The following ARID3A variants were observed in gnomAD, a reference collection of about 807,000 sequenced individuals.
ARID3A encodes the protein AT-rich interaction domain 3A, also known as AT-rich interactive domain-containing protein 3A.
In ARID3A, 11 loss-of-function variants were observed where a neutral mutation model predicts 52.7. That is an observed-to-expected ratio of 0.21 (90% CI 0.13 to 0.35). The LOEUF is 0.35. ARID3A is among the 10% of genes least tolerant of loss of function. The probability of loss-of-function intolerance (pLI) is 1.00; values close to 1 mark genes in which losing one functional copy is unlikely to be tolerated. For synonymous variants in ARID3A, 404 were observed against 359.4 expected (o/e 1.12, Z -1.40); for missense variants, 721 against 838.5 (o/e 0.86, Z 1.73).
At chr19:970,783 A>C (rs1241432316) in intron 8 of ARID3A, among the ~76,000 whole-genome samples, 1 of 151,906 alleles carries the variant, frequency 6.6e-6, no homozygotes, top group East Asian at 1.9e-4. Context: ...GTAAATGAAT[A>C]GTTTTTCTTA....
At chr19:969,476 G>A (rs962615632) in intron 8 of ARID3A, among the ~76,000 whole-genome samples, 7 of 151,640 alleles carry the variant, frequency 4.6e-5, no homozygotes. Context: ...GGTGGAGGTT[G>A]CAGTGAGTCA....
In ARID3A at chr19:968,399, C is replaced by T. The variant is rs531155955; in HGVS notation, c.1496-6C>T. ...AAAAGAAACTAATTTGTTCTTCTTCCCACAGCCTCCGAAAGCCGCCAGGAC... is the reference window on the plus strand; with the variant it reads ...AAAAGAAACTAATTTGTTCTTCTTCTCACAGCCTCCGAAAGCCGCCAGGAC... On this transcript the variant is annotated splice_polypyrimidine_tract_variant and splice_region_variant and intron_variant, in intron 7 of 8. Coordinates refer to ENST00000263620, the MANE Select transcript of ARID3A (RefSeq NM_005224.3). 4.4e-6 allele frequency: 7 copies of T among 1,608,644 alleles called. No homozygotes were observed. In the African/African-American group the frequency reaches 5.4e-5, roughly 12 times the overall value.
rs1266677925 is a variant in ARID3A at position 973,494 on chromosome 19, A to C, written c.*1429A>C. On this transcript the variant is annotated 3_prime_UTR_variant, in exon 9 of 9. Transcript: ENST00000263620. ...GGGGGTGGTTCTTGTCGAAGCCCCC[A>C]GGCTCCTGTCTCAGGGATGAATGTG... 15 of 217,228 alleles carry C rather than the reference A, an allele frequency of 6.9e-5. No homozygotes were observed. The highest frequency in any genetic ancestry group is 3.1e-4 in the African/African-American group (14 of 44,476). The allele number at this position is 217,228 out of a possible 1,614,324, so 13.5% of individuals were successfully genotyped here.
At chr19:939,670 C>A (rs965577772) in intron 3 of ARID3A, among the ~76,000 whole-genome samples, 1 of 152,080 alleles carries the variant, frequency 6.6e-6, no homozygotes, top group African/African-American at 2.4e-5. Context: ...TGGGTGCGTT[C>A]GCGTCGTAAT....
chr19:955,533 C>T (rs924349204), intron 3 of ARID3A, among the ~76,000 whole-genome samples: 3 of 152,212 alleles, frequency 2.0e-5, no homozygotes, highest in Admixed American at 1.3e-4. Flanking sequence ...GCTGGCTGTA[C>T]ATGGGGCAGC....
rs1287433753 is a variant in ARID3A, at chr19:938,119, C to G, written c.693+5377C>G. Among the ~76,000 whole-genome samples, 1 of 152,122 alleles carries G rather than the reference C, an allele frequency of 6.6e-6. No homozygotes were observed. The highest frequency in any genetic ancestry group is 6.5e-5 in the Admixed American group (1 of 15,268). ...TCAGCGTCCCAGAGTGCTGGGATCA[C>G]AGACGTGAGCCACCGCGCCCGGCCT... On this transcript the variant is annotated intron_variant, in intron 3 of 8. Coordinates refer to ENST00000263620, the MANE Select transcript of ARID3A (RefSeq NM_005224.3). The surrounding 1 kb of genome is among the most constrained non-coding windows in gnomAD (Gnocchi z 4.0).
rs2037477187 is a variant in ARID3A, at chr19:938,284, AGAGG to A, written c.693+5543_693+5546del. 6.6e-6 allele frequency among the ~76,000 whole-genome samples: 1 copy of A among 152,192 alleles called. No individual in the cohort carries two copies. Among genetic ancestry groups the A allele is most frequent in the African/African-American group, 2.4e-5 (1 of 41,440 alleles). ...GCCCATGTAACTTGCAGATGAGCTC[AGAGG>A]TGTAGGAATGACGGCACTAGCCGGT... On this transcript the variant is annotated intron_variant, in intron 3 of 8. Transcript: ENST00000263620. This position sits in a 1 kb window ranked among gnomAD's most constrained non-coding sequence, Gnocchi z 4.0.
Position 973,103 on chromosome 19 carries a change from A to ATTCTTTTTTTTT in ARID3A, c.*1038_*1039insTTCTTTTTTTTT, listed in dbSNP as rs1568378193. On this transcript the variant is annotated 3_prime_UTR_variant, in exon 9 of 9. Coordinates refer to ENST00000263620, the MANE Select transcript of ARID3A (RefSeq NM_005224.3). ...TGGGCTCTCGAGTCAGGGGCCTGGA[A>ATTCTTTTTTTTT]ATTTTTTTTTTTTTTTTTTTTTGAG... 7.1e-5 allele frequency: 1 copy of ATTCTTTTTTTTT among 13,990 alleles called. No homozygotes were observed. The highest frequency in any genetic ancestry group is 1.7e-4 in the African/African-American group (1 of 5,850). 0.9% of individuals were successfully genotyped at this position (13,990 alleles called of 1,614,324 possible).
At position 932,484 on chromosome 19, in the gene ARID3A, G is replaced by A. The variant is rs758977281; in HGVS notation, c.435G>A (p.Glu145=). ...DLGEDEEEEE[E]DYEDEEEEED... is the part of the protein sequence containing the mutation. ...GGGAGGATGAGGAGGAGGAGGAGGA[G>A]GATTACGAGGATGAGGAGGAGGAGG... The change falls in exon 3 of 9, where the codon GAG becomes GAA. Residue 145 remains glutamate, a synonymous_variant. Transcript: ENST00000263620. 3.2e-6 allele frequency: 5 copies of A among 1,565,748 alleles called. No homozygotes were observed. The East Asian group carries it at 6.9e-5, about 22-fold the overall frequency.
chr19:930,662 A>C (rs1234125679), intron 2 of ARID3A, among the ~76,000 whole-genome samples: 1 of 149,036 alleles, frequency 6.7e-6, no homozygotes, highest in Admixed American at 6.7e-5. Flanking sequence ...GGCGCCCGCC[A>C]CCACGCCTGG....
chr19:936,111 C>T (rs1390084433), intron 3 of ARID3A, among the ~76,000 whole-genome samples: 6 of 152,234 alleles, frequency 3.9e-5, no homozygotes, highest in Admixed American at 6.5e-5. Flanking sequence ...TTTACACGCA[C>T]AGGCGGTTAA....
chr19:931,629 G>A (rs149587775), intron 2 of ARID3A, among the ~76,000 whole-genome samples: 1,628 of 152,118 alleles, frequency 0.011, 24 homozygotes, highest in East Asian at 0.056. Context: ...TGGCTCACAC[G>A]GTGAAACCCC....
intron 7 of ARID3A, among the ~76,000 whole-genome samples, chr19:968,142 C>T (rs1051671592): frequency 4.0e-5 from 6 of 150,814 alleles, no homozygotes; most frequent in African/African-American, 7.3e-5. Context: ...GGGTGGATCA[C>T]GAGGTCAAGA....
intron 8 of ARID3A, among the ~76,000 whole-genome samples, chr19:969,099 T>G (rs571299532): frequency 3.3e-5 from 5 of 152,258 alleles, no homozygotes; most frequent in Admixed American, 2.6e-4. Flanking sequence ...AAAAATTTAA[T>G]GAATGTATTT....
intron 2 of ARID3A, 136 bp downstream of exon 2, chr19:930,032 C>T (rs558597598): frequency 1.3e-5 from 17 of 1,295,642 alleles, no homozygotes; most frequent in African/African-American, 3.0e-5. Context: ...GAGAGGCCGA[C>T]GTGGGAGGAT....
chr19:933,292 C>T (rs1384143933), intron 3 of ARID3A, among the ~76,000 whole-genome samples: 1 of 152,116 alleles, frequency 6.6e-6, no homozygotes, highest in East Asian at 1.9e-4. Flanking sequence ...AAGGCTGGGG[C>T]CGGCAGGGGG....
rs964141725 is a variant in ARID3A at position 959,448 on chromosome 19, T to G, written c.694-644T>G. Among the ~76,000 whole-genome samples, 2 of 152,048 alleles carry G rather than the reference T, an allele frequency of 1.3e-5. No individual in the cohort carries two copies. Among genetic ancestry groups the G allele is most frequent in the Non-Finnish European group, 2.9e-5 (2 of 68,008 alleles). On this transcript the variant is annotated intron_variant, in intron 3 of 8. Transcript: ENST00000263620. This position sits in a 1 kb window ranked among gnomAD's most constrained non-coding sequence, Gnocchi z 5.0. Reference sequence around the variant, plus strand: ...GCCACCCCACCTGGGTAACTTTTTGTTATCATAATGTAGAGATGGGGTCTC... The same window carrying G: ...GCCACCCCACCTGGGTAACTTTTTGGTATCATAATGTAGAGATGGGGTCTC...
intron 8 of ARID3A, 92 bp downstream of exon 8, chr19:968,595 G>A: frequency 1.6e-6 from 2 of 1,229,148 alleles, no homozygotes; most frequent in South Asian, 1.3e-5. Context: ...CCACCTGCTT[G>A]AACCTAGGTG....
intron 8 of ARID3A, 49 bp from the exon 9 acceptor site, chr19:971,829 C>A: frequency 6.5e-7 from 1 of 1,546,732 alleles, no homozygotes; most frequent in South Asian, 1.2e-5. Context: ...TGGCCCGCCT[C>A]GCATCTTCTT....
Sources: allele counts gnomAD v4.1 joint callset (sites outside exome capture counted in the v4.1 genomes callset), GRCh38; gene constraint gnomAD v4.1.1; non-coding constraint Gnocchi (gnomAD v3.1); transcripts MANE v1.5; gene names NCBI Gene and HGNC (gene_info 2026-07-23, HGNC 2026-07-21).